The following PDE10A variants were observed in gnomAD, a reference collection of about 807,000 sequenced individuals.
The protein encoded by PDE10A is phosphodiesterase 10A.
PDE10A carries 39 observed loss-of-function variants against 97.7 expected under a neutral mutation model. The ratio of observed to expected loss-of-function variants is 0.40; its 90% CI spans 0.31 to 0.52. PDE10A has a LOEUF of 0.52. PDE10A is among the 20% of genes least tolerant of loss of function. PDE10A has a pLI of 0.56. For synonymous variants in PDE10A, 371 were observed against 376.8 expected (o/e 0.98, Z 0.18); for missense variants, 731 against 1,047.8 (o/e 0.70, Z 4.17).
intron 1 of PDE10A, among the ~76,000 whole-genome samples, chr6:165,715,345 G>A (rs1051861636): frequency 5.3e-5 from 8 of 152,200 alleles, no homozygotes; most frequent in African/African-American, 1.4e-4. Context: ...AGAACCATAC[G>A]CTGTCCACGC....
At chr6:165,555,933 A>C (rs568446799) in intron 1 of PDE10A, among the ~76,000 whole-genome samples, 1 of 152,212 alleles carries the variant, frequency 6.6e-6, no homozygotes, top group Non-Finnish European at 1.5e-5. Context: ...CTCCTATGTG[A>C]CGATTTTTTC....
chr6:165,546,369 A>G (rs1234357122), intron 1 of PDE10A, among the ~76,000 whole-genome samples: 1 of 152,098 alleles, frequency 6.6e-6, no homozygotes, highest in East Asian at 1.9e-4. Flanking sequence ...ATTTGCCAAA[A>G]ATCTGTAGAA....
intron 1 of PDE10A, among the ~76,000 whole-genome samples, chr6:165,643,503 T>A (rs1789245818): frequency 6.6e-6 from 1 of 152,128 alleles, no homozygotes; most frequent in African/African-American, 2.4e-5. Flanking sequence ...TGAGCCATAG[T>A]AAGGCTCTGA....
chr6:165,344,702 T>C (rs1782193829), intron 18 of PDE10A, among the ~76,000 whole-genome samples: 1 of 152,206 alleles, frequency 6.6e-6, no homozygotes, highest in Non-Finnish European at 1.5e-5. Flanking sequence ...TATGATACCA[T>C]CGATCACAGA....
intron 1 of PDE10A, among the ~76,000 whole-genome samples, chr6:165,959,705 T>A (rs1227826207): frequency 1.3e-5 from 2 of 152,154 alleles, no homozygotes; most frequent in Non-Finnish European, 2.9e-5. Flanking sequence ...GGGAGGCTCT[T>A]CTGCTTGGTG....
chr6:165,652,532 A>T (rs1406169224), intron 1 of PDE10A, among the ~76,000 whole-genome samples: 4 of 152,190 alleles, frequency 2.6e-5, no homozygotes, highest in African/African-American at 9.6e-5. Flanking sequence ...TTCAGAAGCT[A>T]CTAAAACTAT....
At chr6:165,419,044 C>T (rs555039560) in intron 10 of PDE10A, among the ~76,000 whole-genome samples, 16 of 152,274 alleles carry the variant, frequency 1.1e-4, no homozygotes, top group South Asian at 2.1e-4. Context: ...GCATATCAGT[C>T]GTGTATTCTG....
intron 3 of PDE10A, among the ~76,000 whole-genome samples, chr6:165,457,736 A>G (rs1778045085): frequency 6.6e-6 from 1 of 152,222 alleles, no homozygotes; most frequent in Admixed American, 6.5e-5. Context: ...CTAGGGGGAA[A>G]TAATATTTTA....
chr6:165,887,927 C>G (rs574318764), intron 1 of PDE10A, among the ~76,000 whole-genome samples: 1 of 152,302 alleles, frequency 6.6e-6, no homozygotes, highest in East Asian at 1.9e-4. Flanking sequence ...GCTCACTGGG[C>G]CCTACCTGAT....
chr6:165,719,359 G>T (rs1463890448), intron 1 of PDE10A, among the ~76,000 whole-genome samples: 2 of 152,196 alleles, frequency 1.3e-5, no homozygotes, highest in African/African-American at 4.8e-5. Context: ...CCCAGAGAGG[G>T]AAAGCAGCCA....
chr6:165,814,685 C>T (rs1158996054), intron 1 of PDE10A, among the ~76,000 whole-genome samples: 7 of 152,116 alleles, frequency 4.6e-5, no homozygotes, highest in Non-Finnish European at 7.3e-5. Flanking sequence ...ATTTGGTGTT[C>T]CTATTTTCTA....
Position 165,850,729 on chromosome 6 carries a change from TC to T in PDE10A, c.-615+136799del, listed in dbSNP as rs1280071703. On this transcript the variant is annotated intron_variant, in intron 1 of 19. Coordinates refer to the PDE10A transcript ENST00000366882. Reference sequence around the variant, plus strand: ...ATGGTCCAGCTCTTTTCATAAAGACTCCCCTTAAGAAGCATATTCAAGATTT... The same window carrying T: ...ATGGTCCAGCTCTTTTCATAAAGACTCCCTTAAGAAGCATATTCAAGATTT... Among the ~76,000 whole-genome samples the T allele has an allele frequency of 2.0e-5, 3 of 152,174 alleles. No individual in the cohort carries two copies. The East Asian group carries it at 5.8e-4, about 29-fold the overall frequency.
At chr6:165,954,738 G>A (rs1449030514) in intron 1 of PDE10A, among the ~76,000 whole-genome samples, 1 of 151,994 alleles carries the variant, frequency 6.6e-6, no homozygotes, top group East Asian at 1.9e-4. Context: ...TTACAAGAAG[G>A]CTCAGGGTTT....
chr6:165,362,940 T>C (rs1783519648), intron 18 of PDE10A, among the ~76,000 whole-genome samples: 1 of 152,168 alleles, frequency 6.6e-6, no homozygotes, highest in African/African-American at 2.4e-5. Flanking sequence ...TGCACCTTAC[T>C]AATAGAATAA....
intron 18 of PDE10A, among the ~76,000 whole-genome samples, chr6:165,361,545 G>A (rs894469091): frequency 1.2e-4 from 19 of 152,156 alleles, no homozygotes; most frequent in African/African-American, 4.1e-4. Flanking sequence ...GACATAATTC[G>A]TTAAGATGAG....
At chr6:165,874,867 T>C (rs1195583597) in intron 1 of PDE10A, among the ~76,000 whole-genome samples, 1 of 152,146 alleles carries the variant, frequency 6.6e-6, no homozygotes, top group Non-Finnish European at 1.5e-5. Flanking sequence ...GCTTATTTGC[T>C]TCCTCACTTC....
chr6:165,467,575 GT>G (rs1459485254), intron 3 of PDE10A, among the ~76,000 whole-genome samples: 1 of 152,178 alleles, frequency 6.6e-6, no homozygotes, highest in African/African-American at 2.4e-5. Flanking sequence ...CATCACATCT[GT>G]TTTTGGCATA....
At chr6:165,640,084 A>AAT (rs1000821275) in intron 1 of PDE10A, among the ~76,000 whole-genome samples, 3 of 151,906 alleles carry the variant, frequency 2.0e-5, no homozygotes, top group African/African-American at 7.3e-5. Context: ...AAAAAAAAAA[A>AAT]AAATCTATAC....
chr6:165,902,413 T>G (rs1258105188), intron 1 of PDE10A, among the ~76,000 whole-genome samples: 1 of 152,212 alleles, frequency 6.6e-6, no homozygotes, highest in Non-Finnish European at 1.5e-5. Flanking sequence ...CAGCTGACTG[T>G]TTTTTATCCC....
Sources: gnomAD v4.1 joint callset for allele counts (sites outside exome capture counted in the v4.1 genomes callset) on GRCh38, gnomAD v4.1.1 for gene constraint, MANE v1.5 for transcripts, NCBI Gene and HGNC (gene_info 2026-07-23, HGNC 2026-07-21) for gene names.